CTSV: variants seen among roughly 807,000 people sequenced by gnomAD.
The protein encoded by CTSV is cathepsin L2.
CTSV carries 33 observed loss-of-function variants against 35.6 expected under a neutral mutation model. That is an observed-to-expected ratio of 0.93 (90% CI 0.70 to 1.24). The LOEUF (loss-of-function observed/expected upper bound fraction) is 1.24. CTSV is among the 50% of genes most tolerant of loss of function. CTSV has a pLI of 0.00. For missense variants in CTSV, 408 were observed against 413.1 expected (o/e 0.99, Z 0.11); for synonymous variants, 154 against 147.1 (o/e 1.05, Z -0.34).
chr9:97,037,463 A>C, intron 3 of CTSV, 30 bp downstream of exon 3: 1 of 1,614,084 alleles, frequency 6.2e-7, no homozygotes, highest in Non-Finnish European at 8.5e-7. Context: ...GAGAAGCAGC[A>C]CAGAGTTCAG....
intron 1 of CTSV, 110 bp from the exon 2 acceptor site, chr9:97,038,163 G>A: frequency 8.3e-7 from 1 of 1,204,806 alleles, no homozygotes; most frequent in Non-Finnish European, 1.1e-6. Flanking sequence ...TTTCCCCAAG[G>A]ACTGTGGAAG....
intron 1 of CTSV, among the ~76,000 whole-genome samples, chr9:97,038,713 G>A (rs1328432190): frequency 6.6e-6 from 1 of 152,134 alleles, no homozygotes; most frequent in Non-Finnish European, 1.5e-5. Flanking sequence ...GGGCGGGCCA[G>A]GACCGGGGCC....
chr9:97,036,440 C>T (rs977749188), intron 5 of CTSV, 83 bp downstream of exon 5: 4 of 963,282 alleles, frequency 4.2e-6, no homozygotes, highest in Non-Finnish European at 6.6e-6. Context: ...AATGTGAATT[C>T]TGAAAAAAGT....
intron 4 of CTSV, 132 bp downstream of exon 4, chr9:97,037,119 CA>C (rs530100682): frequency 9.1e-5 from 89 of 975,270 alleles, no homozygotes; most frequent in South Asian, 1.2e-4. Context: ...AACAAGCAAA[CA>C]AAAAAAACAC....
In CTSV at chr9:97,033,048, G is replaced by C; in HGVS notation, c.906C>G (p.Ser302Arg). The change falls in exon 8 of 8, where the codon AGC (serine) becomes AGG (arginine). Residue 302 changes from serine (S) to arginine (R), a missense_variant and splice_region_variant. Physicochemically the swap from Ser to Arg is moderately radical, Grantham distance 110 (BLOSUM62 -1). Coordinates refer to ENST00000259470, the MANE Select transcript of CTSV (RefSeq NM_001333.4). ...CATTCGAGCCCCATTCTGGACCCCAGCTGAAAGAGGAGCAGGTTTTCCATT... is the reference window on the plus strand; with the variant it reads ...CATTCGAGCCCCATTCTGGACCCCACCTGAAAGAGGAGCAGGTTTTCCATT... The part of the protein sequence containing the change: ...NNSKYWLVKN[S>R]WGPEWGSNGY... The C allele has an allele frequency of 6.2e-7, 1 of 1,603,438 alleles. No homozygotes were observed. The highest frequency in any genetic ancestry group is 1.1e-5 in the South Asian group (1 of 89,012).
rs548566958 is a variant in CTSV at position 97,037,140 on chromosome 9, A to G, written c.396+112T>C. 15 of 1,225,414 alleles carry G rather than the reference A, an allele frequency of 1.2e-5. No homozygotes were observed. In the African/African-American group the frequency reaches 2.0e-4, roughly 16 times the overall value. 75.9% of individuals were successfully genotyped at this position (1,225,414 alleles called of 1,614,324 possible). On this transcript the variant is annotated intron_variant, in intron 4 of 7. Transcript: ENST00000259470. ...CAAACAAAAAAAACACCAAAAACCA[A>G]AAATACAAAAAACCCATCACCATAT...
rs769655968 is a variant in CTSV at position 97,031,163 on chromosome 9, G to A, written c.*1786C>T. 6.6e-6 allele frequency: 1 copy of A among 152,018 alleles called. No homozygotes were observed. The allele number at this position is 152,018 out of a possible 1,614,324, so 9.4% of individuals were successfully genotyped here. On this transcript the variant is annotated 3_prime_UTR_variant, in exon 8 of 8. Coordinates refer to ENST00000259470, the MANE Select transcript of CTSV (RefSeq NM_001333.4). ...TGCCTAGATGTTTCCTTAGAGCCTG[G>A]GTTGTTGTTCCAAGAATCTGTGGAG... is the stretch of plus-strand genomic sequence containing the variant.
chr9:97,036,937 G>A (rs1356850749), intron 4 of CTSV, among the ~76,000 whole-genome samples, 190 bp from the exon 5 acceptor site: 9 of 151,488 alleles, frequency 5.9e-5, no homozygotes, highest in African/African-American at 1.2e-4. Flanking sequence ...AAACCCTGTC[G>A]CTACTAAAAA....
At chr9:97,036,774 A>C (rs10980241) in intron 4 of CTSV, 27 bp from the exon 5 acceptor site, 292,622 of 1,546,220 alleles carry the variant, frequency 0.19, 37,858 homozygotes, top group East Asian at 0.59. Context: ...AAAAAGCTGT[A>C]AATTTACAAG....
At chr9:97,037,197 C>A in intron 4 of CTSV, 55 bp downstream of exon 4, 1 of 1,568,636 alleles carries the variant, frequency 6.4e-7, no homozygotes, top group South Asian at 1.2e-5. Flanking sequence ...GCAATGACAC[C>A]AATTCCTTCT....
At chr9:97,034,670 T>A (rs1828814240) in intron 7 of CTSV, 56 bp downstream of exon 7, 1 of 1,318,650 alleles carries the variant, frequency 7.6e-7, no homozygotes. Context: ...TTTGTGAACT[T>A]GTATCCAAAT....
intron 7 of CTSV, among the ~76,000 whole-genome samples, chr9:97,033,455 A>T (rs1257589199): frequency 5.0e-5 from 4 of 80,776 alleles, no homozygotes; most frequent in African/African-American, 4.1e-4. Flanking sequence ...TACTAAATTA[A>T]AAAAAAAAAA....
At chr9:97,033,305 C>T (rs1256352110) in intron 7 of CTSV, among the ~76,000 whole-genome samples, 3 of 151,776 alleles carry the variant, frequency 2.0e-5, no homozygotes, top group Non-Finnish European at 2.9e-5. Flanking sequence ...GGTGAAACCT[C>T]GTCTCTATTA....
intron 1 of CTSV, 41 bp downstream of exon 1, chr9:97,039,030 C>G (rs972945086): frequency 6.6e-6 from 1 of 152,468 alleles, no homozygotes; most frequent in African/African-American, 2.4e-5. Context: ...CTCCTCCAGT[C>G]CCCCTTCGCC....
Position 97,037,515 on chromosome 9 carries a change from G to A in CTSV, c.227C>T (p.Ala76Val), listed in dbSNP as rs1828875128. ...YSQGKHGFTM[A>V]MNAFGDMTNE... ...CACCATGTCACCAAAAGCATTCATG[G>A]CCATTGTGAAGCCATGTTTCCCTTG... is the stretch of plus-strand genomic sequence containing the variant. Residue 76 changes from alanine to valine, a missense_variant, in exon 3 of 8, where the codon GCC (alanine) becomes GTC (valine). Physicochemically the swap from Ala to Val is moderately conservative, Grantham distance 64. Coordinates refer to ENST00000259470, the MANE Select transcript of CTSV (RefSeq NM_001333.4). The A allele has an allele frequency of 6.2e-7, 1 of 1,614,076 alleles. No homozygotes were observed. The highest frequency in any genetic ancestry group is 1.3e-5 in the African/African-American group (1 of 74,926).
rs1171468954 is a variant in CTSV at position 97,036,758 on chromosome 9, A to AG, written c.397-12dup. ...AGAACCACACTGTTTCTAAAAAGGG[A>AG]GAAAAAAAAAGCTGTAAATTTACAA... On this transcript the variant is annotated splice_polypyrimidine_tract_variant and intron_variant, in intron 4 of 7. Coordinates refer to ENST00000259470, the MANE Select transcript of CTSV (RefSeq NM_001333.4). 1.3e-6 allele frequency: 2 copies of AG among 1,572,754 alleles called. No homozygotes were observed. The highest frequency in any genetic ancestry group is 2.2e-5 in the East Asian group (1 of 44,546).
intron 6 of CTSV, 132 bp from the exon 7 acceptor site, chr9:97,034,975 C>A: frequency 3.1e-6 from 2 of 646,158 alleles, no homozygotes; most frequent in East Asian, 2.7e-5. Flanking sequence ...AAATAAGGAC[C>A]CAAACAATAT....
rs1828770872 is a variant in CTSV at position 97,032,515 on chromosome 9, T to C, written c.*434A>G. 1 of 154,108 alleles carries C rather than the reference T, an allele frequency of 6.5e-6. No homozygotes were observed. The highest frequency in any genetic ancestry group is 2.0e-4 in the South Asian group (1 of 4,880). The allele number at this position is 154,108 out of a possible 1,614,324, so 9.5% of individuals were successfully genotyped here. A position where few individuals can be genotyped will look rare whatever the true frequency, so the allele number is the denominator to read the frequency against. ...AGCTGATATAAAGTCTGTATTTTTATAACTACTCAAGAGCCAGGAAGCCAG... is the reference window on the plus strand; with the variant it reads ...AGCTGATATAAAGTCTGTATTTTTACAACTACTCAAGAGCCAGGAAGCCAG... On this transcript the variant is annotated 3_prime_UTR_variant, in exon 8 of 8. Transcript: ENST00000259470.
chr9:97,036,271 C>T, intron 5 of CTSV: 2 of 482,574 alleles, frequency 4.1e-6, no homozygotes, highest in East Asian at 7.8e-5. Context: ...CGGGGTTTCA[C>T]TGTGTTAGCC....
Sources: gnomAD v4.1 joint callset for allele counts (sites outside exome capture counted in the v4.1 genomes callset) on GRCh38, gnomAD v4.1.1 for gene constraint, MANE v1.5 for transcripts, NCBI Gene and HGNC (gene_info 2026-07-23, HGNC 2026-07-21) for gene names.